Variants in NR6A1 observed in about 807,000 individuals in gnomAD.
NR6A1 encodes the protein retinoic acid receptor-related testis-associated receptor.
A neutral mutation model predicts 59.1 loss-of-function variants in NR6A1; 7 were observed. The observed-to-expected ratio is 0.12, with a 90% CI of 0.07 to 0.22. NR6A1 has a LOEUF of 0.22. Among genes scored for constraint, NR6A1 ranks in the 10% least tolerant of loss-of-function variants. NR6A1 has a pLI of 1.00. For missense variants in NR6A1, 468 were observed against 611.6 expected, an observed-to-expected ratio of 0.77 and a Z score of 2.48; for synonymous variants, 243 against 236.1, an observed-to-expected ratio of 1.03 and a Z score of -0.27.
chr9:124,579,800 C>G (rs1239952896), intron 2 of NR6A1, among the ~76,000 whole-genome samples: 1 of 152,028 alleles, frequency 6.6e-6, no homozygotes, highest in Non-Finnish European at 1.5e-5. Flanking sequence ...CACTTGAGGT[C>G]AGGAGTTGGA....
At chr9:124,597,107 A>C (rs1275771166) in intron 2 of NR6A1, among the ~76,000 whole-genome samples, 1 of 152,184 alleles carries the variant, frequency 6.6e-6, no homozygotes, top group Non-Finnish European at 1.5e-5. Context: ...CCATTACTAG[A>C]GGGCTTTTCT....
intron 1 of NR6A1, among the ~76,000 whole-genome samples, chr9:124,765,458 T>C (rs1840905574): frequency 6.6e-6 from 1 of 152,212 alleles, no homozygotes. Context: ...GATAAAAATT[T>C]GGGAGTTCAA....
At chr9:124,698,897 T>C (rs552606329) in intron 2 of NR6A1, among the ~76,000 whole-genome samples, 10 of 152,276 alleles carry the variant, frequency 6.6e-5, no homozygotes, top group Admixed American at 6.5e-4. Context: ...CTAAATCTAC[T>C]GAAAAACACA....
At chr9:124,751,025 G>C (rs191968450) in intron 1 of NR6A1, among the ~76,000 whole-genome samples, 96 of 150,786 alleles carry the variant, frequency 6.4e-4, no homozygotes, top group Non-Finnish European at 1.2e-3. Flanking sequence ...TTGGGTCTGA[G>C]TCCCATCTCT....
chr9:124,548,926 C>G (rs1021033172), intron 3 of NR6A1, among the ~76,000 whole-genome samples: 3 of 152,142 alleles, frequency 2.0e-5, no homozygotes, highest in African/African-American at 7.2e-5. Context: ...CCTGCCATGG[C>G]CCTCCATCAC....
At chr9:124,536,414 A>G (rs991930110) in intron 6 of NR6A1, among the ~76,000 whole-genome samples, 9 of 152,052 alleles carry the variant, frequency 5.9e-5, no homozygotes, top group African/African-American at 2.2e-4. Context: ...ATGGCTCATG[A>G]CTGTAATCCC....
chr9:124,753,086 C>A (rs1014705065), intron 1 of NR6A1, among the ~76,000 whole-genome samples: 1 of 152,292 alleles, frequency 6.6e-6, no homozygotes, highest in East Asian at 1.9e-4. Flanking sequence ...CAGTGTTTCC[C>A]AAAGCAAGGA....
chr9:124,756,879 T>C (rs1315585438), intron 1 of NR6A1, among the ~76,000 whole-genome samples: 1 of 151,836 alleles, frequency 6.6e-6, no homozygotes, highest in Non-Finnish European at 1.5e-5. Context: ...CATTCACCCA[T>C]ATCTATAAGA....
intron 2 of NR6A1, among the ~76,000 whole-genome samples, chr9:124,569,965 T>G (rs544724311): frequency 6.6e-6 from 1 of 152,136 alleles, no homozygotes; most frequent in South Asian, 2.1e-4. Context: ...TGATCACTAG[T>G]GTGAAAGGAA....
chr9:124,526,130 G>C (rs1265649796), intron 8 of NR6A1, among the ~76,000 whole-genome samples: 1 of 152,230 alleles, frequency 6.6e-6, no homozygotes, highest in African/African-American at 2.4e-5. Flanking sequence ...TAGGAGCAGA[G>C]TACACATTAG....
intron 2 of NR6A1, among the ~76,000 whole-genome samples, chr9:124,656,660 C>T (rs1287710596): frequency 6.6e-6 from 1 of 152,018 alleles, no homozygotes; most frequent in Non-Finnish European, 1.5e-5. Flanking sequence ...GGTGAAACCC[C>T]GTGTCTACTA....
chr9:124,747,307 G>A (rs991636764), intron 1 of NR6A1, among the ~76,000 whole-genome samples: 6 of 147,478 alleles, frequency 4.1e-5, no homozygotes, highest in African/African-American at 7.5e-5. Flanking sequence ...AACCCAACCC[G>A]CCTCAGCCTC....
At chr9:124,668,435 G>A (rs373977928) in intron 2 of NR6A1, among the ~76,000 whole-genome samples, 3 of 152,252 alleles carry the variant, frequency 2.0e-5, no homozygotes, top group African/African-American at 7.2e-5. Flanking sequence ...TCAAATTCAT[G>A]TTGTTCAAGG....
rs78432505 is a variant in NR6A1, at chr9:124,649,233, C to CAAAAAAAAAAAAAAA, written c.142+84060_142+84074dup. On this transcript the variant is annotated intron_variant, in intron 2 of 9. Transcript: ENST00000487099. ...ATAGTAAGAAAGTGTGGTACTGGCA[C>CAAAAAAAAAAAAAAA]AAAAAAAAAAAAAAAAAAAAAAGAC... Among the ~76,000 whole-genome samples, 5 of 41,442 alleles carry CAAAAAAAAAAAAAAA rather than the reference C, an allele frequency of 1.2e-4. 1 individual carries two copies. Among genetic ancestry groups the CAAAAAAAAAAAAAAA allele is most frequent in the African/African-American group, 4.6e-4 (5 of 10,856 alleles). 27.2% of individuals were successfully genotyped at this position (41,442 alleles called of 152,430 possible).
At position 124,518,717 on chromosome 9, in the gene NR6A1, G is replaced by C. The variant is rs932662602; in HGVS notation, c.*3988C>G. The stretch of plus-strand genomic sequence containing the variant: ...GGGGTAGGGGGAGGCAGGGGAGTAA[G>C]AGTAGCGGATTTTTTTGTTAAATTT... On this transcript the variant is annotated 3_prime_UTR_variant, in exon 10 of 10. Transcript: ENST00000487099. The C allele has an allele frequency of 6.6e-6, 1 of 151,772 alleles. No homozygotes were observed. The highest frequency in any genetic ancestry group is 1.5e-5 in the Non-Finnish European group (1 of 67,978). 9.4% of individuals were successfully genotyped at this position (151,772 alleles called of 1,614,324 possible). A position where few individuals can be genotyped will look rare whatever the true frequency, so the allele number is the denominator to read the frequency against.
intron 2 of NR6A1, among the ~76,000 whole-genome samples, chr9:124,648,928 A>G (rs1038179989): frequency 3.3e-5 from 5 of 152,094 alleles, no homozygotes; most frequent in African/African-American, 1.2e-4. Context: ...AATGAAAACT[A>G]TAAAACACTG....
intron 1 of NR6A1, among the ~76,000 whole-genome samples, chr9:124,736,233 T>C (rs542877589): frequency 2.3e-4 from 35 of 152,260 alleles, no homozygotes; most frequent in African/African-American, 8.4e-4. Context: ...GGACATTAAA[T>C]GAACGGACTA....
chr9:124,771,241 C>G lies in NR6A1; in HGVS notation c.-122G>C, dbSNP rs1468432654. 2 of 500,740 alleles carry G rather than the reference C, an allele frequency of 4.0e-6. No homozygotes were observed. Among genetic ancestry groups the G allele is most frequent in the Middle Eastern group, 5.4e-4 (1 of 1,864 alleles). The allele number at this position is 500,740 out of a possible 1,614,324, so 31.0% of individuals were successfully genotyped here. ...GGAGCCCGCGAGCTCCCGGCCGCGG[C>G]TCTCTCTGGGCCCCGAGCCGCCCGG... On this transcript the variant is annotated 5_prime_UTR_variant, in exon 1 of 10. Coordinates refer to ENST00000487099, the MANE Select transcript of NR6A1 (RefSeq NM_033334.4).
intron 2 of NR6A1, among the ~76,000 whole-genome samples, chr9:124,711,189 A>T (rs1286970555): frequency 2.7e-5 from 3 of 112,816 alleles, no homozygotes; most frequent in African/African-American, 1.7e-4. Flanking sequence ...CTAAGGTTTA[A>T]AAAAAAAAAA....
Sources: gnomAD v4.1 joint callset for allele counts (sites outside exome capture counted in the v4.1 genomes callset) on GRCh38, gnomAD v4.1.1 for gene constraint, MANE v1.5 for transcripts, NCBI Gene and HGNC (gene_info 2026-07-23, HGNC 2026-07-21) for gene names.